GFOD2: variants seen among roughly 807,000 people sequenced by gnomAD.
The protein encoded by GFOD2 is Gfo/Idh/MocA-like oxidoreductase domain containing 2.
In GFOD2, 9 loss-of-function variants were observed where a neutral mutation model predicts 24.6. The observed-to-expected ratio is 0.37, with a 90% confidence interval of 0.22 to 0.64. The LOEUF (loss-of-function observed/expected upper bound fraction) is 0.64, where lower values mean the gene tolerates loss of function less well. Among genes scored for constraint, GFOD2 ranks in the 30% least tolerant of loss-of-function variants. GFOD2 has a pLI of 0.65. For missense variants in GFOD2, 476 were observed against 532.5 expected (o/e 0.89, Z 1.04); for synonymous variants, 211 against 224.8 (o/e 0.94, Z 0.55).
At chr16:67,692,379 G>T (rs765575208) in intron 1 of GFOD2, among the ~76,000 whole-genome samples, 10 of 151,704 alleles carry the variant, frequency 6.6e-5, no homozygotes, top group Non-Finnish European at 1.2e-4. Context: ...ATCAGTTCAC[G>T]ACCAGCCTGA....
intron 1 of GFOD2, among the ~76,000 whole-genome samples, chr16:67,705,210 TTTTC>T (rs1253112050): frequency 6.6e-6 from 1 of 152,132 alleles, no homozygotes; most frequent in Non-Finnish European, 1.5e-5. Context: ...CCTGCCAGTT[TTTTC>T]TTTTCTTTTT....
At chr16:67,698,258 T>C (rs1198318305) in intron 1 of GFOD2, among the ~76,000 whole-genome samples, 1 of 152,148 alleles carries the variant, frequency 6.6e-6, no homozygotes, top group Non-Finnish European at 1.5e-5. Context: ...TTTTGCTGGG[T>C]TCCAGTGACA....
chr16:67,699,455 C>T (rs900510964), intron 1 of GFOD2, among the ~76,000 whole-genome samples: 4 of 152,006 alleles, frequency 2.6e-5, no homozygotes, highest in African/African-American at 7.2e-5. Flanking sequence ...AAATCAACTA[C>T]TATTGGATAG....
At chr16:67,687,558 G>A (rs577935938) in intron 1 of GFOD2, among the ~76,000 whole-genome samples, 21 of 148,846 alleles carry the variant, frequency 1.4e-4, no homozygotes, top group African/African-American at 5.0e-4. Context: ...GGAGAATGGC[G>A]TGAACCCAGG....
intron 2 of GFOD2, chr16:67,681,927 T>C (rs2053228258): frequency 1.0e-6 from 1 of 983,318 alleles, no homozygotes; most frequent in Non-Finnish European, 1.2e-6. Flanking sequence ...CACCTATAAT[T>C]CCAGCACTTT....
chr16:67,707,843 T>C (rs2053449145), intron 1 of GFOD2, among the ~76,000 whole-genome samples: 1 of 152,176 alleles, frequency 6.6e-6, no homozygotes, highest in Non-Finnish European at 1.5e-5. Context: ...CCACCTCGCC[T>C]AGCCTGTATG....
chr16:67,679,433 A>G (rs1370384947), intron 2 of GFOD2, among the ~76,000 whole-genome samples: 1 of 151,616 alleles, frequency 6.6e-6, no homozygotes, highest in African/African-American at 2.4e-5. Context: ...ATGGGGTTTC[A>G]CTATGTTGGC....
At position 67,675,035 on chromosome 16, in the gene GFOD2, C is replaced by G; in HGVS notation, c.*120G>C. On this transcript the variant is annotated 3_prime_UTR_variant, in exon 3 of 3. Coordinates refer to ENST00000268797, the MANE Select transcript of GFOD2 (RefSeq NM_030819.4). ...GGCGAAGTCCCAGAGCCACCTCTGGCTTCACCCAGACTCATTAAATGAAAG... is the reference window on the plus strand; with the variant it reads ...GGCGAAGTCCCAGAGCCACCTCTGGGTTCACCCAGACTCATTAAATGAAAG... The G allele has an allele frequency of 8.6e-7, 1 of 1,166,988 alleles. No individual in the cohort carries two copies. Among genetic ancestry groups the G allele is most frequent in the Admixed American group, 2.3e-5 (1 of 43,760 alleles). The allele number at this position is 1,166,988 out of a possible 1,614,324, so 72.3% of individuals were successfully genotyped here.
At chr16:67,678,935 A>C (rs758480655) in intron 2 of GFOD2, among the ~76,000 whole-genome samples, 1 of 152,214 alleles carries the variant, frequency 6.6e-6, no homozygotes, top group Non-Finnish European at 1.5e-5. Flanking sequence ...TGGGAGGCCA[A>C]GGTGGGAGGA....
At chr16:67,718,767 C>T (rs904058065) in intron 1 of GFOD2, among the ~76,000 whole-genome samples, 5 of 152,206 alleles carry the variant, frequency 3.3e-5, no homozygotes, top group African/African-American at 1.2e-4. Flanking sequence ...ACCCCACGAG[C>T]CCTTTGTCTG....
chr16:67,718,580 G>A (rs570589768), intron 1 of GFOD2, among the ~76,000 whole-genome samples: 3 of 152,302 alleles, frequency 2.0e-5, no homozygotes, highest in African/African-American at 7.2e-5. Context: ...TCCTTCCAGA[G>A]CTACAAATAC....
At chr16:67,712,256 GCTCCCT>G (rs1295250419) in intron 1 of GFOD2, among the ~76,000 whole-genome samples, 4,220 of 122,478 alleles carry the variant, frequency 0.034, 112 homozygotes, top group African/African-American at 0.066. Context: ...GTAATAAAGA[GCTCCCT>G]CTCCCTCTCC....
At chr16:67,708,202 A>T (rs1345155571) in intron 1 of GFOD2, among the ~76,000 whole-genome samples, 3 of 152,252 alleles carry the variant, frequency 2.0e-5, no homozygotes, top group Admixed American at 1.3e-4. Flanking sequence ...GCCCAAGGAC[A>T]TAGAACAACC....
chr16:67,681,354 A>AT, intron 2 of GFOD2: 2 of 985,324 alleles, frequency 2.0e-6, no homozygotes, highest in Non-Finnish European at 1.2e-6. Context: ...TAGGATAAGG[A>AT]ATTCCTGTTT....
chr16:67,675,443 T>G lies in GFOD2; in HGVS notation c.870A>C (p.Gly290=). The change falls in exon 3 of 3, where the codon GGA becomes GGC. Residue 290 remains glycine (G), a synonymous_variant. Coordinates refer to ENST00000268797, the MANE Select transcript of GFOD2 (RefSeq NM_030819.4). ...LLRDSLAVGA[G]LPEQGPQDVP... is the part of the protein sequence containing the mutation. ...CATCCTGGGGCCCCTGCTCAGGCAG[T>G]CCTGCGCCCACTGCCAGCGAGTCCC... is the stretch of plus-strand genomic sequence containing the variant. The G allele has an allele frequency of 1.2e-6, 2 of 1,612,594 alleles. No homozygotes were observed. Among genetic ancestry groups the G allele is most frequent in the South Asian group, 1.1e-5 (1 of 91,078 alleles).
intron 2 of GFOD2, among the ~76,000 whole-genome samples, chr16:67,680,000 G>C (rs891433636): frequency 6.6e-6 from 1 of 152,150 alleles, no homozygotes; most frequent in Non-Finnish European, 1.5e-5. Context: ...AGCTCAAACA[G>C]AGCCTTCCTC....
At chr16:67,691,657 C>A (rs1045388771) in intron 1 of GFOD2, among the ~76,000 whole-genome samples, 1 of 152,080 alleles carries the variant, frequency 6.6e-6, no homozygotes, top group African/African-American at 2.4e-5. Context: ...TGTACCCCCC[C>A]AGGAGCTCCT....
At chr16:67,698,858 G>A (rs903577804) in intron 1 of GFOD2, among the ~76,000 whole-genome samples, 1 of 152,118 alleles carries the variant, frequency 6.6e-6, no homozygotes, top group African/African-American at 2.4e-5. Flanking sequence ...GAACCAGTTA[G>A]GATATCAAGT....
intron 1 of GFOD2, among the ~76,000 whole-genome samples, chr16:67,705,427 T>C (rs554786731): frequency 6.6e-6 from 1 of 152,264 alleles, no homozygotes; most frequent in Admixed American, 6.5e-5. Context: ...ACGCTGGTCT[T>C]GAACTCCTGG....
Sources: gnomAD v4.1 joint callset for allele counts (sites outside exome capture counted in the v4.1 genomes callset) on GRCh38, gnomAD v4.1.1 for gene constraint, MANE v1.5 for transcripts, NCBI Gene and HGNC (gene_info 2026-07-23, HGNC 2026-07-21) for gene names.